DLGAP2: variants seen among roughly 807,000 people sequenced by gnomAD.
DLGAP2 encodes the protein disks large-associated protein 2.
Under a neutral mutation model 100.3 loss-of-function variants are expected in DLGAP2, and 26 were observed. The observed-to-expected ratio is 0.26, with a 90% CI of 0.19 to 0.36. DLGAP2 has a LOEUF of 0.36. Among genes scored for constraint, DLGAP2 ranks in the 10% least tolerant of loss-of-function variants. DLGAP2 has a pLI of 1.00. For missense variants in DLGAP2, 1,858 were observed against 1,453.2 expected, an observed-to-expected ratio of 1.28 and a Z score of -4.53; for synonymous variants, 886 against 630.1, an observed-to-expected ratio of 1.41 and a Z score of -6.08.
At chr8:1,516,700 T>TGAGTGGGTGACTGAGTGAAA (rs1800405054) in intron 4 of DLGAP2, among the ~76,000 whole-genome samples, 1 of 151,834 alleles carries the variant, frequency 6.6e-6, no homozygotes, top group Admixed American at 6.6e-5. Context: ...ACTGAGTGAA[T>TGAGTGGGTGACTGAGTGAAA]GAGTGGGTGA....
chr8:1,662,394 G>A (rs761134384), intron 8 of DLGAP2, among the ~76,000 whole-genome samples: 5 of 152,078 alleles, frequency 3.3e-5, no homozygotes, highest in Non-Finnish European at 7.4e-5. Flanking sequence ...ACCTGGAACC[G>A]CCATAAATCT....
At chr8:1,278,074 T>A (rs745548647) in intron 3 of DLGAP2, among the ~76,000 whole-genome samples, 8 of 152,152 alleles carry the variant, frequency 5.3e-5, no homozygotes, top group Non-Finnish European at 1.0e-4. Flanking sequence ...TCAGGAGACA[T>A]GCCTTTCTTT....
intron 3 of DLGAP2, among the ~76,000 whole-genome samples, chr8:1,490,068 A>G (rs1020941621): frequency 5.3e-5 from 8 of 151,412 alleles, no homozygotes; most frequent in African/African-American, 1.9e-4. Flanking sequence ...TTTTTTTTGC[A>G]TTTTTAGTAG....
intron 3 of DLGAP2, among the ~76,000 whole-genome samples, chr8:1,392,170 C>G (rs1368262819): frequency 6.6e-6 from 1 of 152,164 alleles, no homozygotes; most frequent in Non-Finnish European, 1.5e-5. Flanking sequence ...AAACAAGACC[C>G]CTGAGTTCCA....
Position 1,668,598 on chromosome 8 carries a change from G to A in DLGAP2, c.2080G>A (p.Val694Met). ...CCTGCCAGAGAGCCAGAGCAGCTCT[G>A]TGCGGACCAGCGACAAGGCCATCCT... Reference protein sequence around the residue: ...RHLPESQSSSVRTSDKAILVS... With the variant: ...RHLPESQSSSMRTSDKAILVS... Residue 694 changes from valine (V) to methionine (M), a missense_variant, in exon 9 of 15, where the codon GTG (valine) becomes ATG (methionine). Physicochemically the swap from Val to Met is conservative, Grantham distance 21. Coordinates refer to ENST00000637795, the MANE Select transcript of DLGAP2 (RefSeq NM_001346810.2). The A allele has an allele frequency of 6.3e-7, 1 of 1,599,554 alleles. No homozygotes were observed. The highest frequency in any genetic ancestry group is 8.5e-7 in the Non-Finnish European group (1 of 1,173,908).
chr8:1,172,624 T>C (rs951647202), intron 2 of DLGAP2, among the ~76,000 whole-genome samples: 1 of 152,168 alleles, frequency 6.6e-6, no homozygotes, highest in African/African-American at 2.4e-5. Context: ...CTCACTTCAT[T>C]TCATTCATTT....
chr8:1,368,182 ATGTGCACGTG>A (rs1418904921), intron 3 of DLGAP2, among the ~76,000 whole-genome samples: 2 of 151,792 alleles, frequency 1.3e-5, no homozygotes, highest in Admixed American at 6.6e-5. Context: ...GTGTGTGTGT[ATGTGCACGTG>A]TGTGTACGTG....
chr8:1,350,815 A>C (rs77680054), intron 3 of DLGAP2, among the ~76,000 whole-genome samples: 1 of 5,674 alleles, frequency 1.8e-4, no homozygotes, highest in Non-Finnish European at 3.5e-4. Context: ...TGGAAAGGCC[A>C]TGCGGGTCCT....
In DLGAP2 at chr8:1,705,854, A is replaced by C. The variant is rs1447080703; in HGVS notation, c.*4448A>C. Reference sequence around the variant, plus strand: ...ACTTCTCTGTAGGCGTGGGTTGAATACAAGTTTCCAAAACTTTAAAATAGA... The same window carrying C: ...ACTTCTCTGTAGGCGTGGGTTGAATCCAAGTTTCCAAAACTTTAAAATAGA... On this transcript the variant is annotated 3_prime_UTR_variant, in exon 15 of 15. Coordinates refer to ENST00000637795, the MANE Select transcript of DLGAP2 (RefSeq NM_001346810.2). The C allele has an allele frequency of 1.3e-5, 2 of 152,200 alleles. No homozygotes were observed. The highest frequency in any genetic ancestry group is 2.9e-5 in the Non-Finnish European group (2 of 68,056). The allele number at this position is 152,200 out of a possible 1,614,324, so 9.4% of individuals were successfully genotyped here.
chr8:850,581 G>C (rs1296744219), intron 1 of DLGAP2, among the ~76,000 whole-genome samples: 1 of 152,192 alleles, frequency 6.6e-6, no homozygotes, highest in African/African-American at 2.4e-5. Flanking sequence ...CTGTGTGTAT[G>C]AAATGAGGCT....
At chr8:1,626,997 C>T (rs1797522534) in intron 7 of DLGAP2, 110 bp downstream of exon 7, 16 of 1,357,696 alleles carry the variant, frequency 1.2e-5, no homozygotes, top group Non-Finnish European at 1.5e-5. Context: ...GTCAGCAGCA[C>T]TTGGGCAAGG....
At chr8:799,481 C>T (rs573833095) in intron 1 of DLGAP2, among the ~76,000 whole-genome samples, 1 of 152,182 alleles carries the variant, frequency 6.6e-6, no homozygotes, top group Non-Finnish European at 1.5e-5. Flanking sequence ...TTGGCAAATT[C>T]AGCTTACTTC....
intron 2 of DLGAP2, among the ~76,000 whole-genome samples, chr8:1,078,770 A>G (rs972718973): frequency 3.9e-5 from 6 of 152,288 alleles, no homozygotes; most frequent in South Asian, 2.1e-4. Context: ...ATAACATTCC[A>G]TTGTCTGAAT....
intron 2 of DLGAP2, among the ~76,000 whole-genome samples, chr8:955,674 A>G (rs911615462): frequency 6.6e-6 from 1 of 152,096 alleles, no homozygotes; most frequent in Non-Finnish European, 1.5e-5. Flanking sequence ...TTTTCACTTA[A>G]TGTTCCAGAT....
chr8:1,641,560 C>A (rs191389503), intron 8 of DLGAP2, among the ~76,000 whole-genome samples: 1 of 152,134 alleles, frequency 6.6e-6, no homozygotes, highest in African/African-American at 2.4e-5. Flanking sequence ...GTCCAGGGCT[C>A]TTGCAGTTGA....
At chr8:1,362,089 G>T (rs1473342848) in intron 3 of DLGAP2, among the ~76,000 whole-genome samples, 1 of 106,710 alleles carries the variant, frequency 9.4e-6, no homozygotes, top group African/African-American at 3.9e-5. Context: ...GAGCGGTACA[G>T]CTGGGACTCG....
chr8:1,535,080 G>A (rs1801112709), intron 4 of DLGAP2, among the ~76,000 whole-genome samples: 1 of 152,184 alleles, frequency 6.6e-6, no homozygotes, highest in African/African-American at 2.4e-5. Flanking sequence ...CTTCTGTAGG[G>A]CAAGGTCCTG....
At chr8:1,637,772 A>G (rs1218775607) in intron 8 of DLGAP2, among the ~76,000 whole-genome samples, 9 of 152,342 alleles carry the variant, frequency 5.9e-5, no homozygotes, top group Non-Finnish European at 2.9e-5. Context: ...CCGAAGGCCT[A>G]AAGTCTGGAA....
At chr8:921,888 A>C (rs1298670872) in intron 2 of DLGAP2, among the ~76,000 whole-genome samples, 2 of 152,132 alleles carry the variant, frequency 1.3e-5, no homozygotes, top group Admixed American at 1.3e-4. Flanking sequence ...CTTCCAGTGG[A>C]CGGCGAGACG....
Sources: allele counts gnomAD v4.1 joint callset (sites outside exome capture counted in the v4.1 genomes callset), GRCh38; gene constraint gnomAD v4.1.1; transcripts MANE v1.5; gene names NCBI Gene and HGNC (gene_info 2026-07-23, HGNC 2026-07-21).